MYO10: variants seen among roughly 807,000 people sequenced by gnomAD.
The protein encoded by MYO10 is unconventional myosin-X.
In MYO10, 133 loss-of-function variants were observed where a neutral mutation model predicts 257.3. The ratio of observed to expected loss-of-function variants is 0.52; its 90% CI spans 0.45 to 0.60. The LOEUF is 0.60. Ranked by LOEUF, MYO10 falls within the 20% of genes least tolerant of loss-of-function variation. The pLI is 0.00. For missense variants in MYO10, 2,399 were observed against 2,635.7 expected (o/e 0.91, Z 1.97); for synonymous variants, 1,104 against 1,028.6 (o/e 1.07, Z -1.40).
intron 26 of MYO10, among the ~76,000 whole-genome samples, chr5:16,696,768 A>C (rs543573371): frequency 6.6e-6 from 1 of 151,996 alleles, no homozygotes; most frequent in Admixed American, 6.6e-5. Context: ...AGCCAGAAGA[A>C]TAGCTCAAAC....
intron 2 of MYO10, among the ~76,000 whole-genome samples, chr5:16,820,293 C>T (rs1360655178): frequency 6.6e-6 from 1 of 152,230 alleles, no homozygotes; most frequent in Non-Finnish European, 1.5e-5. Context: ...CCCTAGCACG[C>T]CACATCCCCA....
At chr5:16,713,803 G>T (rs999905498) in intron 19 of MYO10, among the ~76,000 whole-genome samples, 1 of 152,186 alleles carries the variant, frequency 6.6e-6, no homozygotes, top group Non-Finnish European at 1.5e-5. Context: ...GCTGGACAAG[G>T]CACAACTTAA....
intron 2 of MYO10, among the ~76,000 whole-genome samples, chr5:16,821,101 A>G (rs1008849218): frequency 1.4e-4 from 20 of 147,512 alleles, no homozygotes; most frequent in African/African-American, 4.9e-4. Flanking sequence ...AATGTATAAT[A>G]TATAATATAT....
At chr5:16,743,591 C>T (rs10037910) in intron 19 of MYO10, among the ~76,000 whole-genome samples, 2,761 of 151,634 alleles carry the variant, frequency 0.018, 94 homozygotes, top group African/African-American at 0.061. Flanking sequence ...TGCAGTGAGC[C>T]GAGATTGCAC....
chr5:16,775,000 G>T (rs60968179), intron 9 of MYO10, among the ~76,000 whole-genome samples: 1 of 152,094 alleles, frequency 6.6e-6, no homozygotes, highest in Non-Finnish European at 1.5e-5. Context: ...TGCCAGGCAC[G>T]CTGTAAACAT....
At chr5:16,833,217 G>GT (rs60623939) in intron 2 of MYO10, among the ~76,000 whole-genome samples, 2,901 of 143,628 alleles carry the variant, frequency 0.02, 32 homozygotes, top group South Asian at 0.031. Context: ...TACTAGGTTT[G>GT]TTTTTTTTTT....
At chr5:16,703,880 CAAAAAAAAAAAAAAAAAAA>C (rs55980169) in intron 22 of MYO10, among the ~76,000 whole-genome samples, 10 of 76,998 alleles carry the variant, frequency 1.3e-4, no homozygotes, top group African/African-American at 4.6e-4. Flanking sequence ...GACTCTGTCT[CAAAAAAAAAAAAAAAAAAA>C]AAAAAAAGAA....
chr5:16,665,906 A>AT lies in MYO10; in HGVS notation c.*785_*786insA, dbSNP rs1736143482. 1.3e-5 allele frequency: 2 copies of AT among 152,762 alleles called. No individual in the cohort carries two copies. The highest frequency in any genetic ancestry group is 4.1e-4 in the South Asian group (2 of 4,828). The allele number at this position is 152,762 out of a possible 1,614,324, so 9.5% of individuals were successfully genotyped here. On this transcript the variant is annotated 3_prime_UTR_variant, in exon 41 of 41. Transcript: ENST00000513610. ...AATGGAGTCAACACGTGTTTTTCAA[A>AT]ATACAGCAAAGACAGGAAAATCCAG... is the stretch of plus-strand genomic sequence containing the variant.
intron 1 of MYO10, among the ~76,000 whole-genome samples, chr5:16,899,628 C>A (rs1279134106): frequency 4.0e-3 from 495 of 122,942 alleles, no homozygotes; most frequent in African/African-American, 4.1e-3. Context: ...AACTCAGTTT[C>A]AAAAAAAAAA....
In MYO10 at chr5:16,701,978, C is replaced by T; in HGVS notation, c.2557-140G>A. 1.1e-6 allele frequency: 1 copy of T among 942,638 alleles called. No individual in the cohort carries two copies. Among genetic ancestry groups the T allele is most frequent in the Non-Finnish European group, 1.5e-6 (1 of 650,812 alleles). 58.4% of individuals were successfully genotyped at this position (942,638 alleles called of 1,614,324 possible). A position where few individuals can be genotyped will look rare whatever the true frequency, so the allele number is the denominator to read the frequency against. The stretch of plus-strand genomic sequence containing the variant: ...AAAGTCTATAGGTTGAAGTCCTAAC[C>T]CCAATACTGCAGAATGTGACTGCAT... On this transcript the variant is annotated intron_variant, in intron 24 of 40. Coordinates refer to ENST00000513610, the MANE Select transcript of MYO10 (RefSeq NM_012334.3). This position sits in a 1 kb window ranked among gnomAD's most constrained non-coding sequence, Gnocchi z 8.1.
intron 29 of MYO10, 150 bp from the exon 30 acceptor site, chr5:16,684,085 T>C (rs573171078): frequency 4.2e-6 from 3 of 708,962 alleles, no homozygotes; most frequent in Non-Finnish European, 7.3e-6. Flanking sequence ...AGACGACTCC[T>C]CTGTTGTGTG....
chr5:16,828,233 G>A (rs894392878), intron 2 of MYO10, among the ~76,000 whole-genome samples: 4 of 152,120 alleles, frequency 2.6e-5, no homozygotes, highest in Admixed American at 2.6e-4. Flanking sequence ...CTTTGCTTGA[G>A]TTGCTCCTCT....
intron 1 of MYO10, among the ~76,000 whole-genome samples, chr5:16,879,076 T>C (rs1055517995): frequency 1.3e-5 from 2 of 152,196 alleles, no homozygotes; most frequent in Non-Finnish European, 2.9e-5. Context: ...CATTAAACTT[T>C]TTCTACTCTG....
chr5:16,877,854 C>T (rs1744650755), intron 1 of MYO10, 147 bp from the exon 2 acceptor site: 6 of 664,878 alleles, frequency 9.0e-6, no homozygotes, highest in South Asian at 3.7e-5. Context: ...AACAAATCTT[C>T]GCAAAGCATC....
chr5:16,889,215 G>A (rs146790734), intron 1 of MYO10, among the ~76,000 whole-genome samples: 8,898 of 147,988 alleles, frequency 0.06, 353 homozygotes, highest in Middle Eastern at 0.17. Flanking sequence ...AAATCAGCCT[G>A]GCCAACATGG....
At chr5:16,796,438 A>AAGAC (rs201164887) in intron 3 of MYO10, among the ~76,000 whole-genome samples, 16 of 85,174 alleles carry the variant, frequency 1.9e-4, no homozygotes, top group African/African-American at 8.3e-4. Flanking sequence ...AAAGAAAAGA[A>AAGAC]AGACAGAAAG....
chr5:16,740,825 G>C (rs527276445), intron 19 of MYO10, among the ~76,000 whole-genome samples: 1 of 151,784 alleles, frequency 6.6e-6, no homozygotes, highest in East Asian at 1.9e-4. Context: ...ACTTACCTTT[G>C]CCTCTTTCTT....
chr5:16,693,342 G>A (rs1180146085), intron 27 of MYO10, among the ~76,000 whole-genome samples: 1 of 152,208 alleles, frequency 6.6e-6, no homozygotes, highest in East Asian at 1.9e-4. Flanking sequence ...AGAGGCAACA[G>A]AGCCATGCCT....
At chr5:16,872,724 G>A (rs1456079605) in intron 2 of MYO10, among the ~76,000 whole-genome samples, 2 of 152,108 alleles carry the variant, frequency 1.3e-5, no homozygotes, top group East Asian at 3.9e-4. Flanking sequence ...TCAGAATCAT[G>A]GCAGGAAGCG....
Sources: gnomAD v4.1 joint callset for allele counts (sites outside exome capture counted in the v4.1 genomes callset) on GRCh38, gnomAD v4.1.1 for gene constraint, Gnocchi (gnomAD v3.1) non-coding constraint, MANE v1.5 for transcripts, NCBI Gene and HGNC (gene_info 2026-07-23, HGNC 2026-07-21) for gene names.